GABBR2: variants seen among roughly 807,000 people sequenced by gnomAD.
GABBR2 encodes the protein gamma-aminobutyric acid type B receptor subunit 2, also known as G-protein coupled receptor 51.
A neutral mutation model predicts 105.6 loss-of-function variants in GABBR2; 23 were observed. That is an observed-to-expected ratio of 0.22 (90% CI 0.16 to 0.31). The LOEUF (loss-of-function observed/expected upper bound fraction) is 0.31. GABBR2 is among the 10% of genes least tolerant of loss of function. GABBR2 has a pLI of 1.00. For missense variants in GABBR2, 734 were observed against 1,245.5 expected (o/e 0.59, Z 6.18); for synonymous variants, 478 against 499.7 (o/e 0.96, Z 0.58).
intron 1 of GABBR2, among the ~76,000 whole-genome samples, chr9:98,642,860 C>T (rs1341392656): frequency 1.3e-5 from 2 of 152,152 alleles, no homozygotes; most frequent in Admixed American, 1.3e-4. Context: ...ATTCACTGCT[C>T]CTCTGCTCTG....
chr9:98,705,065 T>C (rs1830876941), intron 1 of GABBR2, among the ~76,000 whole-genome samples: 1 of 152,230 alleles, frequency 6.6e-6, no homozygotes, highest in Non-Finnish European at 1.5e-5. Flanking sequence ...TAAAATATAA[T>C]ACTCAATGCA....
chr9:98,337,623 TA>T (rs1390261267), intron 13 of GABBR2, among the ~76,000 whole-genome samples: 1 of 152,162 alleles, frequency 6.6e-6, no homozygotes, highest in African/African-American at 2.4e-5. Context: ...GGTGTTGGCA[TA>T]AGGATAGACA....
chr9:98,310,150 G>A (rs1376802145), intron 14 of GABBR2, among the ~76,000 whole-genome samples: 1 of 152,206 alleles, frequency 6.6e-6, no homozygotes, highest in East Asian at 1.9e-4. Flanking sequence ...GGATATAGGA[G>A]AGAAGATTCA....
chr9:98,634,521 A>G (rs996192833), intron 1 of GABBR2, among the ~76,000 whole-genome samples: 1 of 152,208 alleles, frequency 6.6e-6, no homozygotes, highest in Non-Finnish European at 1.5e-5. Flanking sequence ...GGACCGAGGC[A>G]GAGATGGGCG....
chr9:98,348,870 A>C (rs62574339), intron 13 of GABBR2, among the ~76,000 whole-genome samples: 7,179 of 152,174 alleles, frequency 0.047, 231 homozygotes, highest in Middle Eastern at 0.12. Flanking sequence ...ATCATCTGCA[A>C]AGAGGAACAA....
At chr9:98,299,155 A>G in intron 17 of GABBR2, 69 bp downstream of exon 17, 1 of 1,347,982 alleles carries the variant, frequency 7.4e-7, no homozygotes, top group Non-Finnish European at 1.1e-6. Context: ...TCATCTAAAA[A>G]ATGGAAGATG....
chr9:98,508,125 A>G lies in GABBR2; in HGVS notation c.631-11611T>C, dbSNP rs1827550777. Among the ~76,000 whole-genome samples the G allele has an allele frequency of 2.0e-5, 3 of 152,226 alleles. No individual in the cohort carries two copies. The South Asian group carries it at 6.2e-4, about 32-fold the overall frequency. ...TACAAAAACACTGGGTATTAATAAA[A>G]CAGGGAGGCTATATAGTTAAGGTGA... is the stretch of plus-strand genomic sequence containing the variant. On this transcript the variant is annotated intron_variant, in intron 3 of 18. Coordinates refer to ENST00000259455, the MANE Select transcript of GABBR2 (RefSeq NM_005458.8).
rs1827981127 is a variant in GABBR2, at chr9:98,527,337, T to G, written c.630+14536A>C. ...ACTCAGACGGTCATTCTGCTATGACTGTCATTTACCACTATGCAGTACCGC... is the reference window on the plus strand; with the variant it reads ...ACTCAGACGGTCATTCTGCTATGACGGTCATTTACCACTATGCAGTACCGC... On this transcript the variant is annotated intron_variant, in intron 3 of 18. Coordinates refer to ENST00000259455, the MANE Select transcript of GABBR2 (RefSeq NM_005458.8). Among the ~76,000 whole-genome samples the G allele has an allele frequency of 2.0e-5, 3 of 151,976 alleles. No individual in the cohort carries two copies. In the South Asian group the frequency reaches 6.2e-4, roughly 32 times the overall value.
At chr9:98,643,131 A>C (rs562768451) in intron 1 of GABBR2, among the ~76,000 whole-genome samples, 2 of 152,348 alleles carry the variant, frequency 1.3e-5, no homozygotes, top group African/African-American at 4.8e-5. Flanking sequence ...GTTGAGCAGG[A>C]CCCTGCCATG....
At chr9:98,491,188 T>C (rs765138794) in intron 4 of GABBR2, among the ~76,000 whole-genome samples, 7 of 152,224 alleles carry the variant, frequency 4.6e-5, no homozygotes, top group African/African-American at 9.6e-5. Flanking sequence ...GCCTTATCTA[T>C]AGAAAAGGAC....
intron 1 of GABBR2, among the ~76,000 whole-genome samples, chr9:98,598,933 T>G (rs543813547): frequency 6.6e-6 from 1 of 152,240 alleles, no homozygotes; most frequent in East Asian, 1.9e-4. Flanking sequence ...ACAAGCCTCT[T>G]ATAGACATAA....
intron 1 of GABBR2, among the ~76,000 whole-genome samples, chr9:98,605,091 G>T: frequency 6.6e-6 from 1 of 152,248 alleles, no homozygotes; most frequent in East Asian, 1.9e-4. Flanking sequence ...ACATGGCAAG[G>T]CCAAAAGGCA....
intron 1 of GABBR2, among the ~76,000 whole-genome samples, chr9:98,690,688 C>T (rs551473691): frequency 2.0e-5 from 3 of 152,252 alleles, no homozygotes; most frequent in South Asian, 2.1e-4. Context: ...CAGTGGCCCC[C>T]GGAGTGCTGC....
chr9:98,549,934 G>A (rs1828458212), intron 2 of GABBR2, among the ~76,000 whole-genome samples: 1 of 152,198 alleles, frequency 6.6e-6, no homozygotes, highest in Admixed American at 6.5e-5. Flanking sequence ...CCTGGCCAGA[G>A]GAGTGGCAAA....
At chr9:98,316,436 G>A (rs1487247708) in intron 13 of GABBR2, among the ~76,000 whole-genome samples, 1 of 152,218 alleles carries the variant, frequency 6.6e-6, no homozygotes, top group African/African-American at 2.4e-5. Flanking sequence ...ACAGACGTGA[G>A]CCGCTGCACC....
intron 1 of GABBR2, among the ~76,000 whole-genome samples, chr9:98,610,360 C>A (rs1588251482): frequency 6.6e-6 from 1 of 152,214 alleles, no homozygotes; most frequent in East Asian, 1.9e-4. Context: ...TACGTGAGGG[C>A]TCACTTCTAT....
chr9:98,358,978 T>C (rs1462990716), intron 13 of GABBR2, among the ~76,000 whole-genome samples: 1 of 152,170 alleles, frequency 6.6e-6, no homozygotes, highest in African/African-American at 2.4e-5. Flanking sequence ...GGCCAGTCAC[T>C]GAAGGTCTCT....
Position 98,448,483 on chromosome 9 carries a change from C to T in GABBR2, c.1236+5498G>A, listed in dbSNP as rs141384494. On this transcript the variant is annotated intron_variant, in intron 7 of 18. Coordinates refer to ENST00000259455, the MANE Select transcript of GABBR2 (RefSeq NM_005458.8). ...TCACTCTATTGCTCAGGCTGAAGTA[C>T]AGAGGCGTAATCAGCCGCAACCTCC... is the stretch of plus-strand genomic sequence containing the variant. Among the ~76,000 whole-genome samples the T allele has an allele frequency of 9.9e-5, 15 of 152,282 alleles. No homozygotes were observed. The East Asian group carries it at 2.9e-3, about 29-fold the overall frequency.
Position 98,392,708 on chromosome 9 carries a change from T to C in GABBR2, c.1378+1467A>G, listed in dbSNP as rs549986246. On this transcript the variant is annotated intron_variant, in intron 9 of 18. Transcript: ENST00000259455. ...TGGCACAGAAAGCCAGCTGTCCCAA[T>C]TTCTGCTGACCCACTGGAATCAAAG... Among the ~76,000 whole-genome samples the C allele has an allele frequency of 2.0e-4, 30 of 152,302 alleles. 1 individual carries two copies. In the South Asian group the frequency reaches 3.1e-3, roughly 16 times the overall value.
Sources: gnomAD v4.1 joint callset for allele counts (sites outside exome capture counted in the v4.1 genomes callset) on GRCh38, gnomAD v4.1.1 for gene constraint, MANE v1.5 for transcripts, NCBI Gene and HGNC (gene_info 2026-07-23, HGNC 2026-07-21) for gene names.